ADCK1: variants seen among roughly 807,000 people sequenced by gnomAD.
ADCK1 encodes aarF domain containing kinase 1, also known as aarF domain-containing protein kinase 1.
Under a neutral mutation model 52.3 loss-of-function variants are expected in ADCK1, and 41 were observed. The ratio of observed to expected loss-of-function variants is 0.78; its 90% CI spans 0.61 to 1.02. The LOEUF is 1.02. ADCK1 is among the 50% of genes least tolerant of loss of function. The pLI, the probability that ADCK1 is intolerant of heterozygous loss-of-function variation, is 0.00. For missense variants in ADCK1, 658 were observed against 679.5 expected, an observed-to-expected ratio of 0.97 and a Z score of 0.35; for synonymous variants, 250 against 274.6, an observed-to-expected ratio of 0.91 and a Z score of 0.89.
At chr14:77,843,097 G>T (rs2082109948) in intron 3 of ADCK1, among the ~76,000 whole-genome samples, 1 of 151,932 alleles carries the variant, frequency 6.6e-6, no homozygotes, top group Non-Finnish European at 1.5e-5. Flanking sequence ...TTACTAAGTT[G>T]CCCAGGCTGG....
intron 4 of ADCK1, among the ~76,000 whole-genome samples, chr14:77,883,575 G>A (rs2083081418): frequency 6.6e-6 from 1 of 152,092 alleles, no homozygotes; most frequent in African/African-American, 2.4e-5. Context: ...AGCCAGCTAG[G>A]AACATCCACT....
chr14:77,862,114 G>GTT (rs917680992), intron 4 of ADCK1, among the ~76,000 whole-genome samples: 69 of 152,344 alleles, frequency 4.5e-4, no homozygotes, highest in Middle Eastern at 3.4e-3. Context: ...AAAAAAAGCA[G>GTT]TTGTGTGTGT....
intron 9 of ADCK1, among the ~76,000 whole-genome samples, chr14:77,927,053 C>A (rs2084213771): frequency 6.6e-6 from 1 of 152,164 alleles, no homozygotes; most frequent in Non-Finnish European, 1.5e-5. Flanking sequence ...AAGCCCTGGG[C>A]TCCAGCGCCT....
At position 77,872,527 on chromosome 14, in the gene ADCK1, T is replaced by A. The variant is rs904688720; in HGVS notation, c.423+13248T>A. Among the ~76,000 whole-genome samples the A allele has an allele frequency of 3.3e-5, 5 of 151,796 alleles. No individual in the cohort carries two copies. The South Asian group carries it at 1.0e-3, about 32-fold the overall frequency. On this transcript the variant is annotated intron_variant, in intron 4 of 10. Transcript: ENST00000238561. ...AAGTGGGGTGTTAGGCTCTTCCCTG[T>A]CTTACCCCTGGGAAAGGTGCTGCCT...
chr14:77,922,363 A>G (rs11628968), intron 7 of ADCK1, among the ~76,000 whole-genome samples: 15,523 of 152,256 alleles, frequency 0.1, 885 homozygotes, highest in Middle Eastern at 0.14. Flanking sequence ...CCCCAGGAAA[A>G]TGGCAGGAGC....
intron 3 of ADCK1, among the ~76,000 whole-genome samples, chr14:77,838,014 C>T (rs925351858): frequency 6.6e-6 from 1 of 152,156 alleles, no homozygotes. Context: ...GAAGGCACTC[C>T]GCAGCCGTAA....
At chr14:77,835,007 T>C (rs2081931710) in intron 3 of ADCK1, among the ~76,000 whole-genome samples, 1 of 152,198 alleles carries the variant, frequency 6.6e-6, no homozygotes, top group African/African-American at 2.4e-5. Context: ...AGCAGTTTTC[T>C]GACCCGCCCT....
intron 8 of ADCK1, among the ~76,000 whole-genome samples, chr14:77,925,076 G>C (rs1019493766): frequency 6.6e-6 from 1 of 152,200 alleles, no homozygotes; most frequent in Non-Finnish European, 1.5e-5. Context: ...AAGGAGCCAG[G>C]AGCTCCTACT....
chr14:77,803,822 T>G (rs1274232388), intron 1 of ADCK1, among the ~76,000 whole-genome samples: 1 of 152,166 alleles, frequency 6.6e-6, no homozygotes, highest in Non-Finnish European at 1.5e-5. Context: ...CAGTAAGGAC[T>G]TTAGTGAACA....
intron 3 of ADCK1, among the ~76,000 whole-genome samples, chr14:77,852,909 T>TA (rs56396469): frequency 1.9e-3 from 38 of 19,830 alleles, no homozygotes; most frequent in Non-Finnish European, 2.2e-3. Context: ...ATATATATAT[T>TA]TTTTTTTTTT....
At chr14:77,876,828 T>C (rs2082910863) in intron 4 of ADCK1, among the ~76,000 whole-genome samples, 1 of 152,178 alleles carries the variant, frequency 6.6e-6, no homozygotes, top group Non-Finnish European at 1.5e-5. Flanking sequence ...GGAGCCTGGG[T>C]TTACCTCCCT....
intron 4 of ADCK1, among the ~76,000 whole-genome samples, chr14:77,862,103 GA>G (rs1296693098): frequency 1.3e-5 from 2 of 152,076 alleles, no homozygotes; most frequent in Non-Finnish European, 2.9e-5. Flanking sequence ...TGTTTGGCAG[GA>G]AAAAAAGCAG....
intron 3 of ADCK1, among the ~76,000 whole-genome samples, chr14:77,844,949 C>T (rs1295732850): frequency 6.6e-6 from 1 of 152,214 alleles, no homozygotes; most frequent in Non-Finnish European, 1.5e-5. Flanking sequence ...TTAGTGATGT[C>T]TGATGTGTGC....
At chr14:77,827,645 C>T (rs141378812) in intron 3 of ADCK1, among the ~76,000 whole-genome samples, 131 of 151,444 alleles carry the variant, frequency 8.7e-4, no homozygotes, top group African/African-American at 3.0e-3. Context: ...TTTTGATAGT[C>T]ACAGGAGGGC....
intron 3 of ADCK1, among the ~76,000 whole-genome samples, chr14:77,826,961 T>C (rs10139828): frequency 0.14 from 21,987 of 152,072 alleles, 1,764 homozygotes; most frequent in African/African-American, 0.19. Context: ...TTCTGCTGAG[T>C]GAGCTGAGAA....
chr14:77,919,146 T>C (rs1310607626), intron 7 of ADCK1, among the ~76,000 whole-genome samples: 1 of 152,152 alleles, frequency 6.6e-6, no homozygotes, highest in Non-Finnish European at 1.5e-5. Context: ...CTCCATCTCC[T>C]CGGTTCAAGC....
chr14:77,810,723 G>T (rs1272986670), intron 1 of ADCK1, among the ~76,000 whole-genome samples: 1 of 151,938 alleles, frequency 6.6e-6, no homozygotes, highest in Non-Finnish European at 1.5e-5. Context: ...AGTAGAGACG[G>T]GGTTTCACCG....
rs1566702804 is a variant in ADCK1 at position 77,887,206 on chromosome 14, C to T, written c.539C>T (p.Pro180Leu). ...GRTVAVKVQH[P>L]KVRAQSSKDI... is the part of the protein sequence containing the mutation. ...ACGGTGGCCGTGAAGGTCCAGCACC[C>T]AAAGGTGCGGGCTCAGAGCTCGAAG... is the stretch of plus-strand genomic sequence containing the variant. The change falls in exon 5 of 11, where the codon CCA becomes CTA. Residue 180 changes from proline (P) to leucine (L), a missense_variant. Pro to Leu is a moderately conservative substitution (Grantham distance 98, BLOSUM62 -3). Coordinates refer to ENST00000238561, the MANE Select transcript of ADCK1 (RefSeq NM_020421.4). The T allele has an allele frequency of 6.2e-7, 1 of 1,609,416 alleles. No homozygotes were observed.
intron 10 of ADCK1, 61 bp from the exon 11 acceptor site, chr14:77,933,159 A>G: frequency 1.3e-6 from 2 of 1,561,644 alleles, no homozygotes; most frequent in Non-Finnish European, 1.7e-6. Context: ...TCTAAATGAT[A>G]CAGAGCTAGT....
Sources: allele counts gnomAD v4.1 joint callset (sites outside exome capture counted in the v4.1 genomes callset), GRCh38; gene constraint gnomAD v4.1.1; transcripts MANE v1.5; gene names NCBI Gene and HGNC (gene_info 2026-07-23, HGNC 2026-07-21).